Variants in PTPRD observed in about 807,000 individuals in gnomAD.
PTPRD encodes protein tyrosine phosphatase receptor type D.
In PTPRD, 34 loss-of-function variants were observed where a neutral mutation model predicts 214.5. That is an observed-to-expected ratio of 0.16 (90% CI 0.12 to 0.21). PTPRD has a LOEUF of 0.21. Ranked by LOEUF, PTPRD falls within the 10% of genes least tolerant of loss-of-function variation. The probability of loss-of-function intolerance (pLI) is 1.00; values close to 1 mark genes in which losing one functional copy is unlikely to be tolerated. For synonymous variants in PTPRD, 1,128 were observed against 845.7 expected (o/e 1.33, Z -5.79); for missense variants, 2,545 against 2,398.7 (o/e 1.06, Z -1.27).
chr9:8,473,396 G>A (rs189155692), intron 30 of PTPRD, among the ~76,000 whole-genome samples: 9 of 152,180 alleles, frequency 5.9e-5, no homozygotes, highest in Admixed American at 5.9e-4. Flanking sequence ...AGGATTTACC[G>A]AACAAGTCCA....
At chr9:9,786,856 T>C (rs2098928332) in intron 5 of PTPRD, among the ~76,000 whole-genome samples, 1 of 152,042 alleles carries the variant, frequency 6.6e-6, no homozygotes, top group African/African-American at 2.4e-5. Flanking sequence ...TTTTTACTTA[T>C]AAAATTGGCT....
At chr9:10,389,870 G>C (rs1453056906) in intron 2 of PTPRD, among the ~76,000 whole-genome samples, 1 of 151,634 alleles carries the variant, frequency 6.6e-6, no homozygotes, top group African/African-American at 2.4e-5. Flanking sequence ...ATTTGACTTT[G>C]AAGGCACCTT....
chr9:10,295,912 G>A (rs616040), intron 3 of PTPRD, among the ~76,000 whole-genome samples: 19 of 151,756 alleles, frequency 1.3e-4, no homozygotes, highest in East Asian at 3.9e-4. Context: ...AGCAATTAAC[G>A]GCTTCCTCAG....
chr9:9,205,913 A>C (rs1369626394), intron 9 of PTPRD, among the ~76,000 whole-genome samples: 1 of 152,212 alleles, frequency 6.6e-6, no homozygotes, highest in East Asian at 1.9e-4. Flanking sequence ...GTTTGTCATT[A>C]AGTGACTTGA....
intron 11 of PTPRD, among the ~76,000 whole-genome samples, chr9:8,875,443 A>C (rs2098378342): frequency 6.6e-6 from 1 of 152,192 alleles, no homozygotes; most frequent in Non-Finnish European, 1.5e-5. Context: ...TAGTATAATC[A>C]CAATACACTT....
At chr9:9,726,034 T>C (rs1055061787) in intron 7 of PTPRD, among the ~76,000 whole-genome samples, 36 of 152,196 alleles carry the variant, frequency 2.4e-4, no homozygotes, top group Admixed American at 2.0e-3. Context: ...GAAACAGTAT[T>C]AATTTGATTT....
In PTPRD at chr9:9,300,815, T is replaced by C. The variant is rs1178946437; in HGVS notation, c.-203+96634A>G. Reference sequence around the variant, plus strand: ...CCATACAATTTATGGTATTTTGTTATATCAATCCATAATGACTAATACAGT... The same window carrying C: ...CCATACAATTTATGGTATTTTGTTACATCAATCCATAATGACTAATACAGT... On this transcript the variant is annotated intron_variant, in intron 9 of 45. Coordinates refer to ENST00000381196, the MANE Select transcript of PTPRD (RefSeq NM_002839.4). 2.0e-5 allele frequency among the ~76,000 whole-genome samples: 3 copies of C among 151,900 alleles called. No homozygotes were observed. The East Asian group carries it at 5.8e-4, about 29-fold the overall frequency.
intron 3 of PTPRD, among the ~76,000 whole-genome samples, chr9:10,055,771 T>G (rs2097624972): frequency 6.6e-6 from 1 of 151,890 alleles, no homozygotes; most frequent in African/African-American, 2.4e-5. Flanking sequence ...CAAGAGAAAT[T>G]GTGATTCAGT....
intron 11 of PTPRD, among the ~76,000 whole-genome samples, chr9:8,993,897 T>G (rs1050458767): frequency 6.6e-6 from 1 of 152,026 alleles, no homozygotes; most frequent in African/African-American, 2.4e-5. Flanking sequence ...CATGAGCAAA[T>G]GACAATAAAA....
chr9:9,619,184 C>G (rs887902842), intron 7 of PTPRD, among the ~76,000 whole-genome samples: 1 of 152,062 alleles, frequency 6.6e-6, no homozygotes, highest in African/African-American at 2.4e-5. Context: ...TTTCAAGACA[C>G]TTGACTATGA....
chr9:9,684,856 A>G (rs922260082), intron 7 of PTPRD, among the ~76,000 whole-genome samples: 11 of 151,694 alleles, frequency 7.3e-5, no homozygotes, highest in African/African-American at 2.2e-4. Flanking sequence ...TTAGATTCCA[A>G]TATTTTATCT....
chr9:9,510,189 C>T lies in PTPRD; in HGVS notation c.-237+64543G>A. Among the ~76,000 whole-genome samples the T allele has an allele frequency of 1.3e-5, 2 of 151,682 alleles. 1 individual carries two copies. The highest frequency in any genetic ancestry group is 3.9e-4 in the East Asian group (2 of 5,154). On this transcript the variant is annotated intron_variant, in intron 8 of 45. Transcript: ENST00000381196. ...TTTTCACAAATCAAGGTGGCCTCAT[C>T]AACACTTATTTGGCTTCCCAGCTTT... is the stretch of plus-strand genomic sequence containing the variant.
chr9:8,780,286 G>C (rs1422569973), intron 11 of PTPRD, among the ~76,000 whole-genome samples: 2 of 152,012 alleles, frequency 1.3e-5, no homozygotes, highest in East Asian at 3.9e-4. Context: ...ATAAATTTAG[G>C]AACTCTTACC....
chr9:10,330,265 G>A (rs115608549), intron 3 of PTPRD, among the ~76,000 whole-genome samples: 1 of 151,784 alleles, frequency 6.6e-6, no homozygotes, highest in Admixed American at 6.6e-5. Flanking sequence ...TCTGGATTGA[G>A]TGTACAGAGG....
chr9:10,184,872 T>C (rs1214386039), intron 3 of PTPRD, among the ~76,000 whole-genome samples: 1 of 152,112 alleles, frequency 6.6e-6, no homozygotes, highest in South Asian at 2.1e-4. Context: ...TGGCAGTGAG[T>C]TTTTTTATTC....
At chr9:8,691,372 A>G (rs903355530) in intron 12 of PTPRD, among the ~76,000 whole-genome samples, 1 of 149,906 alleles carries the variant, frequency 6.7e-6, no homozygotes, top group Admixed American at 6.7e-5. Flanking sequence ...GTTCAGAAGG[A>G]TTCTGAGGCT....
At chr9:10,592,643 C>A (rs2075738285) in intron 2 of PTPRD, among the ~76,000 whole-genome samples, 1 of 151,812 alleles carries the variant, frequency 6.6e-6, no homozygotes, top group Non-Finnish European at 1.5e-5. Context: ...TAAGATGCAC[C>A]AATCAGCACT....
At chr9:8,548,135 C>A (rs571205158) in intron 14 of PTPRD, among the ~76,000 whole-genome samples, 54 of 152,136 alleles carry the variant, frequency 3.5e-4, no homozygotes, top group Non-Finnish European at 6.5e-4. Flanking sequence ...AGTAAAGGGC[C>A]TTCAAGGCAC....
chr9:9,893,392 T>C (rs538231033), intron 5 of PTPRD, among the ~76,000 whole-genome samples: 1 of 152,152 alleles, frequency 6.6e-6, no homozygotes, highest in South Asian at 2.1e-4. Context: ...TCATCTCACA[T>C]GCAATGACAC....
Sources: gnomAD v4.1 joint callset for allele counts (sites outside exome capture counted in the v4.1 genomes callset) on GRCh38, gnomAD v4.1.1 for gene constraint, MANE v1.5 for transcripts, NCBI Gene and HGNC (gene_info 2026-07-23, HGNC 2026-07-21) for gene names.